TCF12: variants seen among roughly 807,000 people sequenced by gnomAD.
TCF12 encodes the protein DNA-binding protein HTF4.
TCF12 carries 45 observed loss-of-function variants against 86.0 expected under a neutral mutation model. That is an observed-to-expected ratio of 0.52 (90% CI 0.41 to 0.67). The LOEUF is 0.67. TCF12 is among the 30% of genes least tolerant of loss of function. The probability of loss-of-function intolerance (pLI) is 0.00; values close to 1 mark genes in which losing one functional copy is unlikely to be tolerated. For synonymous variants in TCF12, 330 were observed against 299.6 expected (o/e 1.10, Z -1.05); for missense variants, 881 against 859.9 (o/e 1.02, Z -0.31).
chr15:57,232,476 C>T (rs1195844288), intron 10 of TCF12, 46 bp downstream of exon 10: 2 of 1,538,104 alleles, frequency 1.3e-6, no homozygotes, highest in Non-Finnish European at 1.7e-6. Flanking sequence ...TTTGTCCTCA[C>T]TTGTGTTTCT....
intron 3 of TCF12, among the ~76,000 whole-genome samples, chr15:56,963,129 C>G (rs1407395780): frequency 1.5e-5 from 2 of 137,270 alleles, no homozygotes; most frequent in Non-Finnish European, 3.1e-5. Flanking sequence ...ACTCTTTATT[C>G]TAGCCTTTTC....
rs375118272 is a variant in TCF12 at position 56,941,028 on chromosome 15, T to G, written c.148+19930T>G. 6.5e-3 allele frequency among the ~76,000 whole-genome samples: 974 copies of G among 150,584 alleles called. 6 individuals are homozygous for G. The highest frequency in any genetic ancestry group is 0.024 in the Middle Eastern group (7 of 294). ...TTCTCACCTCAGCCTCCCAAAATGC[T>G]GGGATTACATATGTGAGCCACCGTG... On this transcript the variant is annotated intron_variant, in intron 3 of 20. Transcript: ENST00000333725.
intron 3 of TCF12, among the ~76,000 whole-genome samples, chr15:57,052,896 T>G (rs2141594785): frequency 6.6e-6 from 1 of 152,310 alleles, no homozygotes; most frequent in East Asian, 1.9e-4. Flanking sequence ...TTTTTACTAT[T>G]GTGAATAATG....
intron 4 of TCF12, among the ~76,000 whole-genome samples, chr15:57,079,978 G>A (rs1401794972): frequency 2.0e-5 from 3 of 152,060 alleles, no homozygotes; most frequent in African/African-American, 4.8e-5. Flanking sequence ...TTCTAAAAAC[G>A]CTTTCTCAAA....
intron 3 of TCF12, among the ~76,000 whole-genome samples, chr15:56,957,630 A>T (rs1395870744): frequency 6.6e-6 from 1 of 152,210 alleles, no homozygotes; most frequent in Non-Finnish European, 1.5e-5. Context: ...CTAATTTAAC[A>T]TCCTTGTCTG....
chr15:57,244,999 T>C (rs1219070823), intron 13 of TCF12, among the ~76,000 whole-genome samples: 6 of 152,156 alleles, frequency 3.9e-5, no homozygotes, highest in African/African-American at 1.4e-4. Flanking sequence ...GAAGAAAAAA[T>C]ATGTTAGATT....
intron 5 of TCF12, among the ~76,000 whole-genome samples, chr15:57,123,729 A>G (rs148086620): frequency 0.034 from 5,160 of 151,954 alleles, 152 homozygotes; most frequent in South Asian, 0.13. Context: ...AGGCGGGTGG[A>G]TCACGAGGTC....
intron 3 of TCF12, among the ~76,000 whole-genome samples, chr15:56,968,589 G>T (rs1234463628): frequency 1.3e-5 from 2 of 152,140 alleles, no homozygotes; most frequent in Non-Finnish European, 2.9e-5. Context: ...GAGAAACATG[G>T]CTATTTGGTT....
At chr15:57,196,932 ATTTC>A (rs761211474) in intron 7 of TCF12, among the ~76,000 whole-genome samples, 13 of 152,156 alleles carry the variant, frequency 8.5e-5, no homozygotes, top group Admixed American at 2.0e-4. Context: ...CCTTCATTTT[ATTTC>A]TTTATTTCAA....
At chr15:57,271,868 T>G (rs756847906) in intron 18 of TCF12, among the ~76,000 whole-genome samples, 1 of 152,262 alleles carries the variant, frequency 6.6e-6, no homozygotes, top group African/African-American at 2.4e-5. Context: ...TGTATATATT[T>G]TGTCATTTTG....
At chr15:57,161,714 G>A (rs1336177366) in intron 5 of TCF12, among the ~76,000 whole-genome samples, 4 of 152,110 alleles carry the variant, frequency 2.6e-5, no homozygotes, top group Admixed American at 1.3e-4. Flanking sequence ...ATTTAGCATG[G>A]CCTTCCATTT....
At chr15:57,168,961 G>A (rs1469568618) in intron 6 of TCF12, among the ~76,000 whole-genome samples, 1 of 152,078 alleles carries the variant, frequency 6.6e-6, no homozygotes, top group African/African-American at 2.4e-5. Flanking sequence ...CAGGAGAATC[G>A]CTGGAACCCG....
At chr15:57,031,181 C>G (rs1023734017) in intron 3 of TCF12, among the ~76,000 whole-genome samples, 2 of 152,072 alleles carry the variant, frequency 1.3e-5, no homozygotes, top group African/African-American at 4.8e-5. Flanking sequence ...CTGCCTCTTA[C>G]CTTTATTTTT....
chr15:57,190,211 G>A (rs2056909161), intron 6 of TCF12, among the ~76,000 whole-genome samples: 1 of 152,184 alleles, frequency 6.6e-6, no homozygotes. Context: ...GAAATGAAAT[G>A]AAAACATTCA....
intron 3 of TCF12, among the ~76,000 whole-genome samples, chr15:57,012,448 G>A (rs1327106241): frequency 6.6e-6 from 1 of 152,160 alleles, no homozygotes; most frequent in Non-Finnish European, 1.5e-5. Flanking sequence ...TATATAAGTA[G>A]AAACTATTAT....
chr15:57,072,759 G>A (rs2069514858), intron 4 of TCF12: 2 of 1,214,234 alleles, frequency 1.6e-6, no homozygotes, highest in Middle Eastern at 2.2e-4. Context: ...ATTAATCTCT[G>A]TTTTGTTATG....
At chr15:57,033,476 GT>G (rs2066325246) in intron 3 of TCF12, among the ~76,000 whole-genome samples, 1 of 152,108 alleles carries the variant, frequency 6.6e-6, no homozygotes, top group African/African-American at 2.4e-5. Flanking sequence ...AATGGCAAAT[GT>G]TTTCCCCACA....
At chr15:56,970,479 C>CAAAAA (rs59118732) in intron 3 of TCF12, among the ~76,000 whole-genome samples, 24 of 65,466 alleles carry the variant, frequency 3.7e-4, no homozygotes, top group South Asian at 7.7e-4. Flanking sequence ...GACTCCATCT[C>CAAAAA]AAAAAAAAAA....
Position 56,918,770 on chromosome 15 carries a change from T to G in TCF12, c.-159T>G. Reference sequence around the variant, plus strand: ...GGGGCGGCCAGGCCCGAAAGCCGCCTCCCCCTCCCAGACCCGAGAGCTCGT... The same window carrying G: ...GGGGCGGCCAGGCCCGAAAGCCGCCGCCCCCTCCCAGACCCGAGAGCTCGT... On this transcript the variant is annotated 5_prime_UTR_variant, in exon 1 of 21. Coordinates refer to ENST00000333725, the MANE Select transcript of TCF12 (RefSeq NM_207037.2). 2 of 162,548 alleles carry G rather than the reference T, an allele frequency of 1.2e-5. No individual in the cohort carries two copies. Among genetic ancestry groups the G allele is most frequent in the Non-Finnish European group, 2.7e-5 (2 of 74,296 alleles). 10.1% of individuals were successfully genotyped at this position (162,548 alleles called of 1,614,324 possible). A position where few individuals can be genotyped will look rare whatever the true frequency, so the allele number is the denominator to read the frequency against.
Sources: gnomAD v4.1 joint callset for allele counts (sites outside exome capture counted in the v4.1 genomes callset) on GRCh38, gnomAD v4.1.1 for gene constraint, MANE v1.5 for transcripts, NCBI Gene and HGNC (gene_info 2026-07-23, HGNC 2026-07-21) for gene names.